The following FHIT variants were observed in gnomAD, a reference collection of about 807,000 sequenced individuals.
FHIT encodes bis(5'-adenosyl)-triphosphatase.
FHIT carries 19 observed loss-of-function variants against 17.9 expected under a neutral mutation model. That is an observed-to-expected ratio of 1.06 (90% CI 0.74 to 1.56). FHIT has a LOEUF of 1.56. Ranked by LOEUF, FHIT falls within the 40% of genes most tolerant of loss-of-function variation. The probability of loss-of-function intolerance (pLI) is 0.00; values close to 1 mark genes in which losing one functional copy is unlikely to be tolerated. For missense variants in FHIT, 248 were observed against 189.2 expected, an observed-to-expected ratio of 1.31 and a Z score of -1.82; for synonymous variants, 81 against 69.7, an observed-to-expected ratio of 1.16 and a Z score of -0.81.
intron 5 of FHIT, among the ~76,000 whole-genome samples, chr3:60,354,708 G>T (rs1001345594): frequency 6.6e-6 from 1 of 152,142 alleles, no homozygotes; most frequent in Non-Finnish European, 1.5e-5. Context: ...ACCAAATATG[G>T]CTTCTCTCAA....
chr3:59,755,532 G>C (rs1379986044), intron 8 of FHIT, among the ~76,000 whole-genome samples: 1 of 152,180 alleles, frequency 6.6e-6, no homozygotes, highest in East Asian at 1.9e-4. Context: ...AACTTTAATG[G>C]AGGAGTTTCA....
At chr3:60,481,291 C>G (rs1007617156) in intron 5 of FHIT, among the ~76,000 whole-genome samples, 1 of 152,154 alleles carries the variant, frequency 6.6e-6, no homozygotes, top group Non-Finnish European at 1.5e-5. Flanking sequence ...CCTAGCAAGA[C>G]AGACCAACAT....
chr3:60,080,067 A>C (rs1703209766), intron 5 of FHIT, among the ~76,000 whole-genome samples: 1 of 152,200 alleles, frequency 6.6e-6, no homozygotes, highest in Non-Finnish European at 1.5e-5. Flanking sequence ...AAAGGAGAAA[A>C]AAATATCTTT....
chr3:60,105,143 T>C (rs1372921621), intron 5 of FHIT, among the ~76,000 whole-genome samples: 2 of 152,162 alleles, frequency 1.3e-5, no homozygotes, highest in Non-Finnish European at 2.9e-5. Flanking sequence ...GTTGAGGTTA[T>C]TGTTTGGATA....
chr3:60,847,029 G>A (rs1702953109), intron 3 of FHIT, among the ~76,000 whole-genome samples: 1 of 152,010 alleles, frequency 6.6e-6, no homozygotes, highest in South Asian at 2.1e-4. Context: ...TCACCATATT[G>A]GCCAGGCTGG....
intron 4 of FHIT, among the ~76,000 whole-genome samples, chr3:60,672,874 C>CGTGTGTGTGTGTGTGTGTGT (rs71629109): frequency 1.7e-4 from 24 of 139,474 alleles, no homozygotes; most frequent in Non-Finnish European, 3.1e-4. Flanking sequence ...CTCTTTGTAG[C>CGTGTGTGTGTGTGTGTGTGT]GTGTGTGTGT....
chr3:60,205,651 G>C (rs1389415062), intron 5 of FHIT, among the ~76,000 whole-genome samples: 2 of 152,092 alleles, frequency 1.3e-5, no homozygotes, highest in East Asian at 3.9e-4. Context: ...GTACGGGAAT[G>C]GGATAGTACC....
chr3:61,211,403 T>C (rs1447707088), intron 1 of FHIT, among the ~76,000 whole-genome samples: 1 of 152,192 alleles, frequency 6.6e-6, no homozygotes, highest in East Asian at 1.9e-4. Context: ...CGCTGATTGC[T>C]AGCACAGCAG....
intron 1 of FHIT, among the ~76,000 whole-genome samples, chr3:61,211,394 G>A (rs778202321): frequency 3.4e-4 from 51 of 152,130 alleles, no homozygotes; most frequent in South Asian, 6.2e-4. Flanking sequence ...ACGGAGTCTC[G>A]CTGATTGCTA....
chr3:60,564,243 C>A (rs2037054400), intron 4 of FHIT, among the ~76,000 whole-genome samples: 1 of 152,168 alleles, frequency 6.6e-6, no homozygotes, highest in Non-Finnish European at 1.5e-5. Flanking sequence ...TTTAAGCCCC[C>A]TCTTGAGACC....
At chr3:60,722,592 T>C (rs561472418) in intron 4 of FHIT, among the ~76,000 whole-genome samples, 1 of 152,208 alleles carries the variant, frequency 6.6e-6, no homozygotes, top group South Asian at 2.1e-4. Context: ...AGTCTCCACC[T>C]TGTAGATGCT....
chr3:60,044,993 G>C (rs919249339), intron 5 of FHIT, among the ~76,000 whole-genome samples: 1 of 151,996 alleles, frequency 6.6e-6, no homozygotes, highest in Non-Finnish European at 1.5e-5. Flanking sequence ...TTGACCCAAA[G>C]TCTTACGTAC....
At chr3:60,051,035 G>T (rs747841539) in intron 5 of FHIT, among the ~76,000 whole-genome samples, 1 of 152,080 alleles carries the variant, frequency 6.6e-6, no homozygotes, top group Admixed American at 6.6e-5. Context: ...ATTCTAGAGG[G>T]GACAGCAAAG....
intron 3 of FHIT, among the ~76,000 whole-genome samples, chr3:60,947,077 C>T (rs1708674100): frequency 6.6e-6 from 1 of 152,140 alleles, no homozygotes; most frequent in Non-Finnish European, 1.5e-5. Context: ...TCTTCTTAAT[C>T]TCTGAGTCTT....
At chr3:59,830,905 C>A (rs1304827643) in intron 8 of FHIT, among the ~76,000 whole-genome samples, 4 of 152,168 alleles carry the variant, frequency 2.6e-5, no homozygotes, top group Admixed American at 2.6e-4. Flanking sequence ...GCTCTTCGAA[C>A]AGTATGACTG....
chr3:60,911,488 A>G (rs1706741948), intron 3 of FHIT, among the ~76,000 whole-genome samples: 2 of 152,176 alleles, frequency 1.3e-5, no homozygotes, highest in South Asian at 4.1e-4. Context: ...TTTGAGAGCT[A>G]AACAAAGCCT....
At chr3:61,206,759 T>G (rs1263980385) in intron 1 of FHIT, among the ~76,000 whole-genome samples, 2 of 152,050 alleles carry the variant, frequency 1.3e-5, no homozygotes, top group African/African-American at 4.8e-5. Flanking sequence ...TCATGTCATC[T>G]GCAAACAGGG....
chr3:60,713,069 CAA>C (rs1285715248), intron 4 of FHIT, among the ~76,000 whole-genome samples: 13 of 152,236 alleles, frequency 8.5e-5, no homozygotes, highest in African/African-American at 3.1e-4. Context: ...GAAATTATAA[CAA>C]ACTGTCTCTC....
chr3:60,416,601 A>T (rs1702255894), intron 5 of FHIT, among the ~76,000 whole-genome samples: 1 of 152,222 alleles, frequency 6.6e-6, no homozygotes, highest in African/African-American at 2.4e-5. Context: ...TCTGGTGTCA[A>T]ATATTCATAT....
Sources: allele counts gnomAD v4.1 joint callset (sites outside exome capture counted in the v4.1 genomes callset), GRCh38; gene constraint gnomAD v4.1.1; transcripts MANE v1.5; gene names NCBI Gene and HGNC (gene_info 2026-07-23, HGNC 2026-07-21).